COL4A3: variants seen among roughly 807,000 people sequenced by gnomAD.
COL4A3 encodes collagen type IV alpha 3 chain, also known as collagen alpha-3(IV) chain.
Under a neutral mutation model 217.4 loss-of-function variants are expected in COL4A3, and 135 were observed. That is an observed-to-expected ratio of 0.62 (90% CI 0.54 to 0.72). The LOEUF is 0.72. COL4A3 is among the 30% of genes least tolerant of loss of function. The pLI is 0.00. For synonymous variants in COL4A3, 690 were observed against 736.3 expected (o/e 0.94, Z 1.02); for missense variants, 1,868 against 2,119.9 (o/e 0.88, Z 2.33).
chr2:227,263,547 G>A (rs2070718931), intron 20 of COL4A3, among the ~76,000 whole-genome samples: 1 of 152,114 alleles, frequency 6.6e-6, no homozygotes, highest in Non-Finnish European at 1.5e-5. Context: ...TCAGTTTCTT[G>A]TAATAAATTT....
chr2:227,277,191 C>T (rs2071620820), intron 27 of COL4A3, among the ~76,000 whole-genome samples: 1 of 151,912 alleles, frequency 6.6e-6, no homozygotes, highest in African/African-American at 2.4e-5. Flanking sequence ...TGGTGGCGGG[C>T]ACCTGTGGTC....
At position 227,250,299 on chromosome 2, in the gene COL4A3, G is replaced by C. The variant is rs1198211126; in HGVS notation, c.547-841G>C. 6.6e-6 allele frequency among the ~76,000 whole-genome samples: 1 copy of C among 152,028 alleles called. No individual in the cohort carries two copies. Among genetic ancestry groups the C allele is most frequent in the African/African-American group, 2.4e-5 (1 of 41,392 alleles). On this transcript the variant is annotated intron_variant, in intron 9 of 51. Coordinates refer to ENST00000396578, the MANE Select transcript of COL4A3 (RefSeq NM_000091.5). This position sits in a 1 kb window ranked among gnomAD's most constrained non-coding sequence, Gnocchi z 4.1. Reference sequence around the variant, plus strand: ...CTGCACTCCAGCCTGAGGACAGAATGAGACTCTGTCTCAAAAAAATAGGTA... The same window carrying C: ...CTGCACTCCAGCCTGAGGACAGAATCAGACTCTGTCTCAAAAAAATAGGTA...
intron 1 of COL4A3, among the ~76,000 whole-genome samples, chr2:227,218,520 T>C (rs6756834): frequency 0.45 from 68,364 of 151,940 alleles, 16,694 homozygotes; most frequent in Non-Finnish European, 0.57. Flanking sequence ...TATTAGGATA[T>C]GATAATGATT....
At chr2:227,263,356 G>A (rs1292609280) in intron 20 of COL4A3, among the ~76,000 whole-genome samples, 1 of 152,148 alleles carries the variant, frequency 6.6e-6, no homozygotes, top group African/African-American at 2.4e-5. Flanking sequence ...CCCCATCACA[G>A]CCTTTTATGT....
chr2:227,294,714 T>C, intron 39 of COL4A3, 144 bp downstream of exon 39: 1 of 722,596 alleles, frequency 1.4e-6, no homozygotes, highest in Non-Finnish European at 2.4e-6. Flanking sequence ...AAAAATGGGG[T>C]TAGATATTTC....
intron 43 of COL4A3, among the ~76,000 whole-genome samples, chr2:227,302,706 A>AAAAAAAAAAAAAAAC (rs2073346361): frequency 7.1e-6 from 1 of 140,834 alleles, no homozygotes; most frequent in African/African-American, 2.6e-5. Context: ...AAAAAAAAAA[A>AAAAAAAAAAAAAAAC]TCATTCTGGC....
intron 34 of COL4A3, among the ~76,000 whole-genome samples, chr2:227,286,486 C>T (rs970082271): frequency 1.3e-5 from 2 of 152,024 alleles, no homozygotes; most frequent in African/African-American, 4.8e-5. Context: ...CAGAGTGAGG[C>T]TCTGTCTCAA....
chr2:227,235,196 A>G (rs2068624420), intron 1 of COL4A3, among the ~76,000 whole-genome samples: 1 of 151,190 alleles, frequency 6.6e-6, no homozygotes, highest in African/African-American at 2.4e-5. Flanking sequence ...TGCATTTCTG[A>G]CAAGTCTCCA....
At chr2:227,188,593 T>C (rs1288845028) in intron 1 of COL4A3, among the ~76,000 whole-genome samples, 6 of 152,178 alleles carry the variant, frequency 3.9e-5, no homozygotes, top group Admixed American at 2.0e-4. Flanking sequence ...CCAAATGAAA[T>C]GTTTTTAACT....
chr2:227,264,189 G>A (rs189666577), intron 21 of COL4A3, among the ~76,000 whole-genome samples: 2 of 152,250 alleles, frequency 1.3e-5, no homozygotes, highest in South Asian at 2.1e-4. Flanking sequence ...GGGACAAAGA[G>A]AGTGATGTGG....
rs754214748 is a variant in COL4A3 at position 227,308,954 on chromosome 2, T to A, written c.4518T>A (p.Asn1506Lys). 1 of 1,614,218 alleles carries A rather than the reference T, an allele frequency of 6.2e-7. No individual in the cohort carries two copies. The highest frequency in any genetic ancestry group is 1.3e-5 in the African/African-American group (1 of 75,074). ...RFTTMPFLFC[N>K]VNDVCNFASR... ...CCACAATGCCATTCTTATTCTGCAATGTCAATGATGTATGTAATTTTGCAT... is the reference window on the plus strand; with the variant it reads ...CCACAATGCCATTCTTATTCTGCAAAGTCAATGATGTATGTAATTTTGCAT... The change falls in exon 49 of 52, where the codon AAT becomes AAA. Residue 1506 changes from asparagine to lysine, a missense_variant. Coordinates refer to ENST00000396578, the MANE Select transcript of COL4A3 (RefSeq NM_000091.5).
In COL4A3 at chr2:227,256,084, T is replaced by C. The variant is rs55928538; in HGVS notation, c.933+14T>C. On this transcript the variant is annotated intron_variant, in intron 16 of 51. Coordinates refer to ENST00000396578, the MANE Select transcript of COL4A3 (RefSeq NM_000091.5). ...CCTGGAAGTGAGGTATAGAGTTGAT[T>C]TGGCCTATGGAGGTAGTAAAAATGT... 49,796 of 1,612,948 alleles carry C rather than the reference T, an allele frequency of 0.031. 868 individuals are homozygous for C. The highest frequency in any genetic ancestry group is 0.057 in the Middle Eastern group (343 of 6,056).
At chr2:227,261,886 A>T (rs146957780) in intron 20 of COL4A3, among the ~76,000 whole-genome samples, 118 of 152,362 alleles carry the variant, frequency 7.7e-4, no homozygotes, top group African/African-American at 2.8e-3. Context: ...CTTTTGAGAG[A>T]GGAAAAAGAG....
intron 1 of COL4A3, among the ~76,000 whole-genome samples, chr2:227,183,896 C>A (rs1043858701): frequency 2.0e-5 from 3 of 152,194 alleles, no homozygotes; most frequent in African/African-American, 7.2e-5. Context: ...GACAGCAGCG[C>A]CTTGCAAAAA....
chr2:227,181,248 C>T (rs1040489527), intron 1 of COL4A3, among the ~76,000 whole-genome samples: 1 of 152,184 alleles, frequency 6.6e-6, no homozygotes, highest in African/African-American at 2.4e-5. Context: ...AGGCATGGAA[C>T]CAGCTTTGGT....
rs559851026 is a variant in COL4A3, at chr2:227,197,810, C to A, written c.87+32997C>A. 2.0e-5 allele frequency among the ~76,000 whole-genome samples: 3 copies of A among 152,324 alleles called. No homozygotes were observed. In the East Asian group the frequency reaches 5.8e-4, roughly 29 times the overall value. On this transcript the variant is annotated intron_variant, in intron 1 of 51. Transcript: ENST00000396578. ...AGGCATGGTGGTGAGGGTTCCCCCA[C>A]ACCTCCATGAGGTAGGTTACAACAA...
intron 1 of COL4A3, among the ~76,000 whole-genome samples, chr2:227,189,627 G>C (rs1009175876): frequency 6.6e-6 from 1 of 152,156 alleles, no homozygotes; most frequent in Non-Finnish European, 1.5e-5. Context: ...TATCAAGTAA[G>C]ACCTAAATAA....
At position 227,276,435 on chromosome 2, in the gene COL4A3, C is replaced by A. The variant is rs773674552; in HGVS notation, c.1978C>A (p.Pro660Thr). The change falls in exon 27 of 52, where the codon CCT becomes ACT. Residue 660 changes from proline (P) to threonine (T), a missense_variant. Pro to Thr is a conservative substitution (Grantham distance 38). This residue lies in a region of COL4A3 where 1,503 missense variants were observed against 1,786.1 expected (regional missense o/e 0.84). Transcript: ENST00000396578. ...AACACCAGTTCCAGGCCCACCAGGA[C>A]CTCCAGGGCCCCCTGGCCATCCTGG... ...VSTPVPGPPG[P>T]PGPPGHPGPQ... 1.4e-5 allele frequency: 23 copies of A among 1,614,146 alleles called. 1 individual carries two copies. Among genetic ancestry groups the A allele is most frequent in the Middle Eastern group, 3.3e-4 (2 of 6,084 alleles).
At position 227,253,781 on chromosome 2, in the gene COL4A3, G is replaced by C. The variant is rs1431188506; in HGVS notation, c.765+143G>C. The C allele has an allele frequency of 2.5e-6, 2 of 794,472 alleles. No individual in the cohort carries two copies. Among genetic ancestry groups the C allele is most frequent in the Non-Finnish European group, 4.5e-6 (2 of 447,724 alleles). The allele number at this position is 794,472 out of a possible 1,614,324, so 49.2% of individuals were successfully genotyped here. A position where few individuals can be genotyped will look rare whatever the true frequency, so the allele number is the denominator to read the frequency against. ...TCAGCCAGCCAGAACCTCCAGGATTGATTCCTTCCCGTCCTTTACTCATAA... is the reference window on the plus strand; with the variant it reads ...TCAGCCAGCCAGAACCTCCAGGATTCATTCCTTCCCGTCCTTTACTCATAA... On this transcript the variant is annotated intron_variant, in intron 13 of 51. Transcript: ENST00000396578. The surrounding 1 kb of genome is among the most constrained non-coding windows in gnomAD (Gnocchi z 4.4).
Sources: allele counts gnomAD v4.1 joint callset (sites outside exome capture counted in the v4.1 genomes callset), GRCh38; gene constraint gnomAD v4.1.1; regional missense constraint gnomAD v4.1.1; non-coding constraint Gnocchi (gnomAD v3.1); transcripts MANE v1.5; gene names NCBI Gene and HGNC (gene_info 2026-07-23, HGNC 2026-07-21).